VPS13A: variants seen among roughly 807,000 people sequenced by gnomAD.
The protein encoded by VPS13A is intermembrane lipid transfer protein VPS13A.
A neutral mutation model predicts 390.9 loss-of-function variants in VPS13A; 264 were observed. The ratio of observed to expected loss-of-function variants is 0.68; its 90% CI spans 0.61 to 0.75. VPS13A has a LOEUF of 0.75. Ranked by LOEUF, VPS13A falls within the 30% of genes least tolerant of loss-of-function variation. The probability of loss-of-function intolerance (pLI) is 0.00; values close to 1 mark genes in which losing one functional copy is unlikely to be tolerated. For missense variants in VPS13A, 3,409 were observed against 3,733.9 expected, an observed-to-expected ratio of 0.91 and a Z score of 2.27; for synonymous variants, 1,231 against 1,227.1, an observed-to-expected ratio of 1.00 and a Z score of -0.07.
intron 67 of VPS13A, among the ~76,000 whole-genome samples, chr9:77,371,619 T>C (rs538847099): frequency 3.6e-4 from 55 of 152,122 alleles, no homozygotes; most frequent in African/African-American, 1.3e-3. Context: ...CACTACAATA[T>C]GGCAGGTTGC....
At chr9:77,268,156 A>G (rs961811564) in intron 23 of VPS13A, among the ~76,000 whole-genome samples, 2 of 152,200 alleles carry the variant, frequency 1.3e-5, no homozygotes, top group Non-Finnish European at 2.9e-5. Context: ...AAGGGAGTGA[A>G]AGGTTCATCT....
At chr9:77,339,321 CAAATCTCAGATT>C (rs1830693437) in intron 47 of VPS13A, 183 bp from the exon 48 acceptor site, 12 of 590,026 alleles carry the variant, frequency 2.0e-5, no homozygotes, top group Non-Finnish European at 3.5e-5. Context: ...TACAGTAGCT[CAAATCTCAGATT>C]AAATACCGTG....
chr9:77,223,542 G>A (rs551045691), intron 13 of VPS13A, among the ~76,000 whole-genome samples: 8 of 152,112 alleles, frequency 5.3e-5, no homozygotes, highest in Non-Finnish European at 1.0e-4. Context: ...GAGTGTTCTA[G>A]TGGTCTAGAT....
At chr9:77,337,112 A>T (rs1325842082) in intron 46 of VPS13A, 143 bp from the exon 47 acceptor site, 28 of 923,298 alleles carry the variant, frequency 3.0e-5, no homozygotes, top group Non-Finnish European at 2.7e-5. Flanking sequence ...TATCTTACTT[A>T]TATCGTAAAA....
intron 31 of VPS13A, among the ~76,000 whole-genome samples, chr9:77,285,420 T>A (rs1019894988): frequency 1.3e-5 from 2 of 152,202 alleles, no homozygotes; most frequent in Admixed American, 1.3e-4. Flanking sequence ...TATTTATATA[T>A]GCCATAAGGT....
chr9:77,226,519 T>G lies in VPS13A; in HGVS notation c.1278T>G (p.Asp426Glu), dbSNP rs2131195516. Residue 426 changes from aspartate (D) to glutamate (E), a missense_variant, in exon 15 of 72, where the codon GAT becomes GAG. Asp to Glu is a conservative substitution (Grantham distance 45). Around this residue, in one of 5 missense-constraint regions of VPS13A, gnomAD observed 2,717 missense variants for 2,917.4 expected, o/e 0.93. Coordinates refer to ENST00000360280, the MANE Select transcript of VPS13A (RefSeq NM_033305.3). ...AAGAAGGAGTAAAAGATCCAGAGGA[T>G]AATAAAGGGTGGTTTAGCTGGCTAT... Reference protein sequence around the residue: ...IYKEGVKDPEDNKGWFSWLWS... With the variant: ...IYKEGVKDPEENKGWFSWLWS... The G allele has an allele frequency of 2.5e-6, 4 of 1,613,006 alleles. No homozygotes were observed. Among genetic ancestry groups the G allele is most frequent in the Non-Finnish European group, 3.4e-6 (4 of 1,179,310 alleles).
intron 1 of VPS13A, among the ~76,000 whole-genome samples, chr9:77,186,448 T>A (rs141665905): frequency 6.0e-4 from 91 of 152,280 alleles, no homozygotes; most frequent in African/African-American, 2.0e-3. Flanking sequence ...TTGTTTTTTT[T>A]AATTTTTGAG....
chr9:77,267,150 G>A (rs1247314280), intron 23 of VPS13A, among the ~76,000 whole-genome samples: 2 of 152,010 alleles, frequency 1.3e-5, no homozygotes, highest in East Asian at 3.9e-4. Flanking sequence ...CCCACCTTCT[G>A]AAGCCTGTTT....
chr9:77,329,800 A>T (rs1454877751), intron 45 of VPS13A, among the ~76,000 whole-genome samples: 1 of 152,180 alleles, frequency 6.6e-6, no homozygotes, highest in African/African-American at 2.4e-5. Context: ...ATATGAATTT[A>T]CTACTTTTGA....
At chr9:77,216,416 G>A (rs1476140317) in intron 10 of VPS13A, among the ~76,000 whole-genome samples, 1 of 152,156 alleles carries the variant, frequency 6.6e-6, no homozygotes, top group Non-Finnish European at 1.5e-5. Flanking sequence ...AGTAGAACAT[G>A]ACAAATTGAC....
At chr9:77,368,165 C>G (rs1157770463) in intron 62 of VPS13A, 29 bp downstream of exon 62, 1 of 1,562,866 alleles carries the variant, frequency 6.4e-7, no homozygotes, top group Middle Eastern at 1.7e-4. Flanking sequence ...TACAGAGGGA[C>G]AGAGTGATAC....
At chr9:77,383,713 C>G (rs1422529941) in intron 68 of VPS13A, among the ~76,000 whole-genome samples, 4 of 151,930 alleles carry the variant, frequency 2.6e-5, no homozygotes, top group Non-Finnish European at 5.9e-5. Flanking sequence ...AAAAACATGA[C>G]TTTTGACTGT....
At chr9:77,193,478 A>G (rs1824805126) in intron 1 of VPS13A, among the ~76,000 whole-genome samples, 1 of 152,076 alleles carries the variant, frequency 6.6e-6, no homozygotes, top group Non-Finnish European at 1.5e-5. Context: ...TAATTAAAAT[A>G]TAGAAATTAG....
At position 77,419,453 on chromosome 9, in the gene VPS13A, G is replaced by A. The variant is rs1835278737; in HGVS notation, c.*3447G>A. The A allele has an allele frequency of 2.0e-5, 3 of 152,144 alleles. No homozygotes were observed. The highest frequency in any genetic ancestry group is 2.1e-4 in the South Asian group (1 of 4,830). The allele number at this position is 152,144 out of a possible 1,614,324, so 9.4% of individuals were successfully genotyped here. ...TTGAAAGACTGCTGCAGGAGGCACC[G>A]GCCATCCAGTGATTGTTGGAAGAGT... On this transcript the variant is annotated 3_prime_UTR_variant, in exon 72 of 72. Transcript: ENST00000360280.
chr9:77,186,738 T>C (rs931777448), intron 1 of VPS13A, among the ~76,000 whole-genome samples: 5 of 152,148 alleles, frequency 3.3e-5, no homozygotes, highest in Non-Finnish European at 5.9e-5. Context: ...ACCCGGCCTA[T>C]CTTAACCATT....
chr9:77,214,763 A>T (rs1028292025), intron 10 of VPS13A, among the ~76,000 whole-genome samples: 6 of 152,206 alleles, frequency 3.9e-5, no homozygotes, highest in African/African-American at 1.2e-4. Flanking sequence ...GCTGCATTTA[A>T]AATTTTTTTA....
At chr9:77,287,886 T>G (rs1352588672) in intron 31 of VPS13A, among the ~76,000 whole-genome samples, 2 of 152,220 alleles carry the variant, frequency 1.3e-5, no homozygotes, top group Non-Finnish European at 2.9e-5. Context: ...TAAAGTAAGA[T>G]TTATTGAGAC....
intron 68 of VPS13A, among the ~76,000 whole-genome samples, chr9:77,384,056 C>A (rs936068201): frequency 6.7e-6 from 1 of 150,300 alleles, no homozygotes; most frequent in Non-Finnish European, 1.5e-5. Context: ...AATTAGATGA[C>A]ACATAAACTG....
In VPS13A at chr9:77,337,513, T is replaced by C. The variant is rs763843212; in HGVS notation, c.6354T>C (p.Pro2118=). The change falls in exon 47 of 72, where the codon CCT becomes CCC. Residue 2118 remains proline (P), a synonymous_variant. Coordinates refer to ENST00000360280, the MANE Select transcript of VPS13A (RefSeq NM_033305.3). ...WPPILLRNLL[P]YKIAYYIEGI... ...CTATCCTGCTCCGAAATCTTCTTCC[T>C]TACAAAATTGCTTATTATATAGAGG... The C allele has an allele frequency of 2.5e-6, 4 of 1,612,794 alleles. No individual in the cohort carries two copies. Among genetic ancestry groups the C allele is most frequent in the Non-Finnish European group, 2.5e-6 (3 of 1,179,470 alleles).
Sources: allele counts gnomAD v4.1 joint callset (sites outside exome capture counted in the v4.1 genomes callset), GRCh38; gene constraint gnomAD v4.1.1; regional missense constraint gnomAD v4.1.1; transcripts MANE v1.5; gene names NCBI Gene and HGNC (gene_info 2026-07-23, HGNC 2026-07-21).